The following MAPKAPK2 variants were observed in gnomAD, a reference collection of about 807,000 sequenced individuals.
MAPKAPK2 encodes the protein MAPK activated protein kinase 2, also known as MAP kinase-activated protein kinase 2.
MAPKAPK2 carries 9 observed loss-of-function variants against 48.8 expected under a neutral mutation model. The ratio of observed to expected loss-of-function variants is 0.18; its 90% CI spans 0.11 to 0.32. The LOEUF (loss-of-function observed/expected upper bound fraction) is 0.32, where lower values mean the gene tolerates loss of function less well. Among genes scored for constraint, MAPKAPK2 ranks in the 10% least tolerant of loss-of-function variants. The pLI is 1.00. For synonymous variants in MAPKAPK2, 202 were observed against 190.6 expected (o/e 1.06, Z -0.49); for missense variants, 331 against 498.3 (o/e 0.66, Z 3.20).
chr1:206,696,057 G>C (rs1672614780), intron 1 of MAPKAPK2: 1 of 924,516 alleles, frequency 1.1e-6, no homozygotes, highest in African/African-American at 1.6e-5. Context: ...ATAGCAGCAT[G>C]TGGTGAGGAT....
chr1:206,715,121 G>C (rs573445906), intron 1 of MAPKAPK2, among the ~76,000 whole-genome samples: 27 of 152,336 alleles, frequency 1.8e-4, no homozygotes, highest in African/African-American at 5.3e-4. Flanking sequence ...TCTTGAGAGA[G>C]AGCATGTGTG....
intron 1 of MAPKAPK2, among the ~76,000 whole-genome samples, chr1:206,690,760 A>G (rs1672431904): frequency 6.6e-6 from 1 of 152,188 alleles, no homozygotes; most frequent in Non-Finnish European, 1.5e-5. Context: ...GATGGGGAAG[A>G]GCAGGGCACA....
intron 1 of MAPKAPK2, among the ~76,000 whole-genome samples, chr1:206,702,812 T>C (rs536166753): frequency 2.8e-4 from 42 of 152,358 alleles, no homozygotes; most frequent in African/African-American, 9.9e-4. Flanking sequence ...ATTTATCTGC[T>C]TCCACATCTT....
intron 1 of MAPKAPK2, among the ~76,000 whole-genome samples, chr1:206,723,935 G>C (rs1673627249): frequency 6.6e-6 from 1 of 152,234 alleles, no homozygotes; most frequent in Admixed American, 6.5e-5. Context: ...CGTTGCAGCT[G>C]AGCACACGCA....
At chr1:206,728,907 C>T (rs578062375) in intron 2 of MAPKAPK2, 58 bp downstream of exon 2, 5 of 1,612,046 alleles carry the variant, frequency 3.1e-6, no homozygotes, top group Non-Finnish European at 4.2e-6. Context: ...ACTCAGGCAC[C>T]TTACCCTCTG....
intron 1 of MAPKAPK2, among the ~76,000 whole-genome samples, chr1:206,717,346 A>G (rs1020740130): frequency 3.3e-5 from 5 of 152,240 alleles, no homozygotes; most frequent in African/African-American, 1.2e-4. Context: ...CACCTGGTAC[A>G]TAATTGATGC....
intron 1 of MAPKAPK2, among the ~76,000 whole-genome samples, chr1:206,691,732 C>T (rs1672466876): frequency 6.6e-6 from 1 of 151,932 alleles, no homozygotes; most frequent in Admixed American, 6.6e-5. Flanking sequence ...CAGTAGAAGG[C>T]GGTGCTGCAG....
intron 1 of MAPKAPK2, chr1:206,695,745 A>G (rs1292766853): frequency 3.6e-6 from 1 of 276,300 alleles, no homozygotes; most frequent in Non-Finnish European, 7.0e-6. Flanking sequence ...GCATTTCTCC[A>G]TGTGCAAGGC....
At position 206,733,280 on chromosome 1, in the gene MAPKAPK2, A is replaced by ATGTGTG. The variant is rs5780359; in HGVS notation, c.*583_*588dup. 3 of 151,392 alleles carry ATGTGTG rather than the reference A, an allele frequency of 2.0e-5. No individual in the cohort carries two copies. The highest frequency in any genetic ancestry group is 1.9e-4 in the East Asian group (1 of 5,162). The allele number at this position is 151,392 out of a possible 1,614,324, so 9.4% of individuals were successfully genotyped here. ...GTGCCAGACAAATAGGAGTGAGTGT[A>ATGTGTG]TGTGTGTGTGTGTGTGTGTGTGTGT... On this transcript the variant is annotated 3_prime_UTR_variant, in exon 10 of 10. Transcript: ENST00000367103.
At chr1:206,718,386 G>A (rs939224815) in intron 1 of MAPKAPK2, among the ~76,000 whole-genome samples, 1 of 152,020 alleles carries the variant, frequency 6.6e-6, no homozygotes, top group Non-Finnish European at 1.5e-5. Flanking sequence ...CAAAAAATTA[G>A]CCAGGCATGG....
intron 1 of MAPKAPK2, among the ~76,000 whole-genome samples, chr1:206,716,797 T>C (rs1302074871): frequency 1.3e-5 from 2 of 152,030 alleles, no homozygotes; most frequent in African/African-American, 2.4e-5. Context: ...TTTTTTAAAG[T>C]AGATACTAGA....
chr1:206,714,830 A>T (rs1249130153), intron 1 of MAPKAPK2, among the ~76,000 whole-genome samples: 1 of 150,622 alleles, frequency 6.6e-6, no homozygotes, highest in Non-Finnish European at 1.5e-5. Context: ...ATCATAGTTT[A>T]TTAACAGTTT....
intron 1 of MAPKAPK2, among the ~76,000 whole-genome samples, chr1:206,713,299 A>G (rs1007849891): frequency 2.0e-5 from 3 of 152,170 alleles, no homozygotes; most frequent in African/African-American, 4.8e-5. Flanking sequence ...TGACATTGCC[A>G]TGGTTCTTAC....
chr1:206,725,721 A>G (rs1207945854), intron 1 of MAPKAPK2, among the ~76,000 whole-genome samples: 1 of 152,032 alleles, frequency 6.6e-6, no homozygotes, highest in Admixed American at 6.5e-5. Context: ...GACAACTTTG[A>G]TTCTTCTCCT....
chr1:206,689,915 G>A (rs1313471196), intron 1 of MAPKAPK2, among the ~76,000 whole-genome samples: 4 of 152,170 alleles, frequency 2.6e-5, no homozygotes, highest in African/African-American at 9.7e-5. Flanking sequence ...CGTGTGGCTG[G>A]GAATAGAGGA....
rs558606962 is a variant in MAPKAPK2 at position 206,706,422 on chromosome 1, G to C, written c.279+20914G>C. Among the ~76,000 whole-genome samples, 27 of 152,284 alleles carry C rather than the reference G, an allele frequency of 1.8e-4. No individual in the cohort carries two copies. The South Asian group carries it at 4.3e-3, about 25-fold the overall frequency. ...AGTTATCCCGACCACCCTGCAGGACGTCTGGGTGGGCCGGGCTTTGGTTTG... is the reference window on the plus strand; with the variant it reads ...AGTTATCCCGACCACCCTGCAGGACCTCTGGGTGGGCCGGGCTTTGGTTTG... On this transcript the variant is annotated intron_variant, in intron 1 of 9. Transcript: ENST00000367103.
At chr1:206,705,431 G>A (rs1553428433) in intron 1 of MAPKAPK2, among the ~76,000 whole-genome samples, 1 of 152,194 alleles carries the variant, frequency 6.6e-6, no homozygotes. Flanking sequence ...ACTCCTGCTG[G>A]AGGGCCAGGC....
chr1:206,695,837 A>C, intron 1 of MAPKAPK2: 1 of 492,112 alleles, frequency 2.0e-6, no homozygotes, highest in Non-Finnish European at 3.7e-6. Flanking sequence ...GTGCACAGTG[A>C]CCATGGCAAC....
intron 1 of MAPKAPK2, among the ~76,000 whole-genome samples, chr1:206,713,156 A>G (rs1195889543): frequency 5.9e-5 from 9 of 152,226 alleles, no homozygotes; most frequent in African/African-American, 2.2e-4. Flanking sequence ...CATGGTCCAC[A>G]GTGAAAAGAG....
Sources: gnomAD v4.1 joint callset for allele counts (sites outside exome capture counted in the v4.1 genomes callset) on GRCh38, gnomAD v4.1.1 for gene constraint, MANE v1.5 for transcripts, NCBI Gene and HGNC (gene_info 2026-07-23, HGNC 2026-07-21) for gene names.